The following EPB41L3 variants were observed in gnomAD, a reference collection of about 807,000 sequenced individuals.
The protein encoded by EPB41L3 is band 4.1-like protein 3.
EPB41L3 carries 57 observed loss-of-function variants against 127.1 expected under a neutral mutation model. The observed-to-expected ratio is 0.45, with a 90% CI of 0.36 to 0.56. The LOEUF is 0.56. EPB41L3 is among the 20% of genes least tolerant of loss of function. The pLI, the probability that EPB41L3 is intolerant of heterozygous loss-of-function variation, is 0.00. For missense variants in EPB41L3, 1,273 were observed against 1,372.2 expected (o/e 0.93, Z 1.14); for synonymous variants, 572 against 549.5 (o/e 1.04, Z -0.57).
At chr18:5,413,552 C>T (rs1221842154) in intron 13 of EPB41L3, among the ~76,000 whole-genome samples, 1 of 152,214 alleles carries the variant, frequency 6.6e-6, no homozygotes, top group Non-Finnish European at 1.5e-5. Flanking sequence ...TAAGAAGTCA[C>T]TCAGTGTAGC....
At chr18:5,594,375 T>C (rs2094516981) in intron 3 of EPB41L3, among the ~76,000 whole-genome samples, 1 of 152,196 alleles carries the variant, frequency 6.6e-6, no homozygotes, top group South Asian at 2.1e-4. Flanking sequence ...CTCAATTACA[T>C]TTAATGCACA....
intron 1 of EPB41L3, among the ~76,000 whole-genome samples, chr18:5,489,746 G>A (rs945011419): frequency 3.3e-5 from 5 of 152,164 alleles, no homozygotes; most frequent in African/African-American, 1.2e-4. Flanking sequence ...AGCTACAACA[G>A]CAGCTTCTTC....
At chr18:5,629,633 C>T (rs1050749046), upstream of EPB41L3, among the ~76,000 whole-genome samples, 2 of 152,192 alleles carry the variant, frequency 1.3e-5, no homozygotes, top group African/African-American at 4.8e-5. Context: ...CGAGCAAGGT[C>T]TAGCTTCTGA....
chr18:5,496,114 T>TTATTA (rs2091149867), intron 1 of EPB41L3, among the ~76,000 whole-genome samples: 1 of 152,248 alleles, frequency 6.6e-6, no homozygotes. Flanking sequence ...AAAAAACACT[T>TTATTA]AATAGATTGG....
chr18:5,607,827 G>A (rs1446596895), intron 3 of EPB41L3, among the ~76,000 whole-genome samples: 5 of 152,102 alleles, frequency 3.3e-5, no homozygotes, highest in African/African-American at 1.2e-4. Flanking sequence ...TTACGTAACT[G>A]CCAGATAAAA....
At chr18:5,506,579 C>A (rs1044541063) in intron 1 of EPB41L3, among the ~76,000 whole-genome samples, 4 of 152,184 alleles carry the variant, frequency 2.6e-5, no homozygotes, top group Non-Finnish European at 5.9e-5. Flanking sequence ...GTCCAATACG[C>A]TACCTACTTC....
rs527936068 is a variant in EPB41L3 at position 5,592,975 on chromosome 18, A to G, written c.-306+19365T>C. Among the ~76,000 whole-genome samples, 15 of 152,330 alleles carry G rather than the reference A, an allele frequency of 9.8e-5. No homozygotes were observed. In the South Asian group the frequency reaches 1.7e-3, roughly 17 times the overall value. ...CCATCAGTCACATCACTGCCCGAAC[A>G]TGACAGCTATGCAGGTATCATGTAG... On this transcript the variant is annotated intron_variant, in intron 3 of 21. Transcript: ENST00000545076.
rs572319232 is a variant in EPB41L3, at chr18:5,455,406, C to T, written c.382-10162G>A. Among the ~76,000 whole-genome samples the T allele has an allele frequency of 2.0e-5, 3 of 152,216 alleles. No individual in the cohort carries two copies. The East Asian group carries it at 5.8e-4, about 29-fold the overall frequency. Reference sequence around the variant, plus strand: ...CAATTTTTCTTTTCAAACACACACTCCCAGAACAGTTTTAAATACATATTG... The same window carrying T: ...CAATTTTTCTTTTCAAACACACACTTCCAGAACAGTTTTAAATACATATTG... On this transcript the variant is annotated intron_variant, in intron 3 of 22. Transcript: ENST00000341928.
chr18:5,428,258 G>T, intron 9 of EPB41L3, 55 bp downstream of exon 9: 2 of 1,599,128 alleles, frequency 1.3e-6, no homozygotes, highest in Non-Finnish European at 1.7e-6. Flanking sequence ...TTAAATGCTT[G>T]CTTGCTATCA....
chr18:5,630,661 T>A (rs767401885), upstream of EPB41L3: 7 of 351,740 alleles, frequency 2.0e-5, no homozygotes, highest in Non-Finnish European at 3.8e-5. Flanking sequence ...TTCGGGCGCC[T>A]GTGACAGCCC....
chr18:5,628,502 C>G (rs2144367401), intron 1 of EPB41L3, among the ~76,000 whole-genome samples: 1 of 152,342 alleles, frequency 6.6e-6, no homozygotes, highest in South Asian at 2.1e-4. Flanking sequence ...GGATCCTTGG[C>G]GCTCAGCGCC....
At chr18:5,469,067 G>A (rs990609988) in intron 3 of EPB41L3, among the ~76,000 whole-genome samples, 4 of 152,252 alleles carry the variant, frequency 2.6e-5, no homozygotes, top group South Asian at 2.1e-4. Context: ...AGTTGCCCAC[G>A]TACCTCATTC....
chr18:5,623,654 T>C (rs2094890252), intron 1 of EPB41L3, among the ~76,000 whole-genome samples: 1 of 99,026 alleles, frequency 1.0e-5, no homozygotes, highest in African/African-American at 6.5e-5. Flanking sequence ...ATCTTTTCAT[T>C]CTTTTTTTTT....
At chr18:5,508,079 G>C (rs191973160) in intron 1 of EPB41L3, 16 of 152,292 alleles carry the variant, frequency 1.1e-4, no homozygotes, top group Admixed American at 3.3e-4. Flanking sequence ...GGTTATGGGG[G>C]ACAGTGATGC....
intron 3 of EPB41L3, among the ~76,000 whole-genome samples, chr18:5,555,875 G>A (rs528610117): frequency 4.1e-4 from 62 of 152,198 alleles, no homozygotes; most frequent in African/African-American, 1.3e-3. Context: ...CACTCCCGTC[G>A]GCCCAGCCAT....
chr18:5,471,913 G>C (rs2147621659), intron 3 of EPB41L3, among the ~76,000 whole-genome samples: 1 of 152,288 alleles, frequency 6.6e-6, no homozygotes, highest in South Asian at 2.1e-4. Flanking sequence ...GAATGCCTTA[G>C]TGGATTTTAT....
chr18:5,553,384 G>T (rs1295947771), intron 3 of EPB41L3, among the ~76,000 whole-genome samples: 1 of 152,088 alleles, frequency 6.6e-6, no homozygotes, highest in Non-Finnish European at 1.5e-5. Flanking sequence ...GCTTGTCTCA[G>T]GCCTCATATT....
chr18:5,397,014 T>C lies in EPB41L3; in HGVS notation c.2841+44A>G. The C allele has an allele frequency of 6.5e-7, 1 of 1,526,884 alleles. No homozygotes were observed. Among genetic ancestry groups the C allele is most frequent in the Non-Finnish European group, 8.7e-7 (1 of 1,143,192 alleles). 94.6% of individuals were successfully genotyped at this position (1,526,884 alleles called of 1,614,324 possible). A position where few individuals can be genotyped will look rare whatever the true frequency, so the allele number is the denominator to read the frequency against. On this transcript the variant is annotated intron_variant, in intron 18 of 22. Transcript: ENST00000341928. This position sits in a 1 kb window ranked among gnomAD's most constrained non-coding sequence, Gnocchi z 4.1. ...GATCTAAATTTCCAGGCATCCTATA[T>C]CAGTTTTATTTTAGTGATAAAAGTA...
intron 1 of EPB41L3, among the ~76,000 whole-genome samples, chr18:5,622,247 C>T (rs1057000817): frequency 3.3e-5 from 5 of 152,110 alleles, no homozygotes; most frequent in Non-Finnish European, 7.4e-5. Flanking sequence ...TAAATGTTAA[C>T]AAGGTATGCA....
Sources: allele counts gnomAD v4.1 joint callset (sites outside exome capture counted in the v4.1 genomes callset), GRCh38; gene constraint gnomAD v4.1.1; non-coding constraint Gnocchi (gnomAD v3.1); transcripts MANE v1.5; gene names NCBI Gene and HGNC (gene_info 2026-07-23, HGNC 2026-07-21).